Variants in DCC observed in about 807,000 individuals in gnomAD.
DCC encodes the protein netrin receptor DCC.
A neutral mutation model predicts 172.5 loss-of-function variants in DCC; 58 were observed. That is an observed-to-expected ratio of 0.34 (90% CI 0.27 to 0.42). The LOEUF (loss-of-function observed/expected upper bound fraction) is 0.42, where lower values mean the gene tolerates loss of function less well. DCC is among the 10% of genes least tolerant of loss of function. The pLI is 1.00. For synonymous variants in DCC, 709 were observed against 644.5 expected (o/e 1.10, Z -1.52); for missense variants, 1,740 against 1,791.0 (o/e 0.97, Z 0.51).
At chr18:52,897,488 T>C (rs1239501059) in intron 2 of DCC, among the ~76,000 whole-genome samples, 1 of 152,242 alleles carries the variant, frequency 6.6e-6, no homozygotes, top group African/African-American at 2.4e-5. Context: ...CCAATATTTG[T>C]GTATTTTTTT....
chr18:52,616,509 C>G (rs2034384677), intron 1 of DCC, among the ~76,000 whole-genome samples: 1 of 152,086 alleles, frequency 6.6e-6, no homozygotes, highest in Non-Finnish European at 1.5e-5. Context: ...ATTTTTCTTT[C>G]TGTAACCTCA....
intron 16 of DCC, among the ~76,000 whole-genome samples, chr18:53,386,776 G>T (rs1286222781): frequency 2.0e-5 from 3 of 152,150 alleles, no homozygotes; most frequent in Non-Finnish European, 4.4e-5. Flanking sequence ...GAGTGAAAGG[G>T]CTCAAGATAC....
chr18:53,520,030 G>A (rs538545753), intron 27 of DCC, among the ~76,000 whole-genome samples: 1 of 152,176 alleles, frequency 6.6e-6, no homozygotes, highest in East Asian at 1.9e-4. Context: ...TATCAAGAAG[G>A]AGTCACCAAG....
chr18:53,195,299 T>C (rs1000964385), intron 9 of DCC, among the ~76,000 whole-genome samples: 42 of 152,224 alleles, frequency 2.8e-4, no homozygotes, highest in Admixed American at 1.3e-4. Context: ...TAGAGTTCTG[T>C]GAATACTTGT....
Position 53,406,715 on chromosome 18 carries a change from AAG to A in DCC, c.2936-3735_2936-3734del, listed in dbSNP as rs1230594104. Among the ~76,000 whole-genome samples, 43 of 113,126 alleles carry A rather than the reference AAG, an allele frequency of 3.8e-4. 2 individuals carry two copies. The highest frequency in any genetic ancestry group is 8.4e-4 in the Non-Finnish European group (39 of 46,476). The allele number at this position is 113,126 out of a possible 152,430, so 74.2% of individuals were successfully genotyped here. A position where few individuals can be genotyped will look rare whatever the true frequency, so the allele number is the denominator to read the frequency against. ...CAAGACTCTGTCTCAAAAAAAAAAA[AAG>A]AAAGAAAGAAAAAAGAAAAAAAGTA... On this transcript the variant is annotated intron_variant, in intron 19 of 28. Coordinates refer to ENST00000442544, the MANE Select transcript of DCC (RefSeq NM_005215.4).
chr18:52,487,157 A>T (rs1056005287), intron 1 of DCC, among the ~76,000 whole-genome samples: 1 of 152,158 alleles, frequency 6.6e-6, no homozygotes, highest in Non-Finnish European at 1.5e-5. Flanking sequence ...ATACCTGCTT[A>T]TCTCTGGATT....
At chr18:53,161,653 T>C (rs1044294464) in intron 8 of DCC, among the ~76,000 whole-genome samples, 2 of 152,222 alleles carry the variant, frequency 1.3e-5, no homozygotes, top group Admixed American at 1.3e-4. Context: ...ATACCTGTTA[T>C]GCTTCAACCC....
intron 5 of DCC, among the ~76,000 whole-genome samples, chr18:52,943,458 T>C (rs2040494166): frequency 1.3e-5 from 2 of 152,206 alleles, no homozygotes. Flanking sequence ...TGACTGATGT[T>C]TAGTGAACTA....
rs187236417 is a variant in DCC at position 52,357,799 on chromosome 18, G to T, written c.91+16921G>T. Among the ~76,000 whole-genome samples the T allele has an allele frequency of 2.3e-4, 35 of 152,080 alleles. No individual in the cohort carries two copies. In the East Asian group the frequency reaches 5.2e-3, roughly 23 times the overall value. ...AAAATACAAAAAAAATTAGCTGGGC[G>T]TGGTGGCGGGTGCCTGTAGTCCCAG... is the stretch of plus-strand genomic sequence containing the variant. On this transcript the variant is annotated intron_variant, in intron 1 of 28. Coordinates refer to ENST00000442544, the MANE Select transcript of DCC (RefSeq NM_005215.4).
intron 12 of DCC, among the ~76,000 whole-genome samples, chr18:53,254,348 G>T (rs190956093): frequency 6.6e-6 from 1 of 152,082 alleles, no homozygotes; most frequent in East Asian, 1.9e-4. Flanking sequence ...CCTGGGTGGG[G>T]TCTGCCTCTG....
rs886845290 is a variant in DCC, at chr18:53,513,368, G to C, written c.4112-13249G>C. On this transcript the variant is annotated intron_variant, in intron 27 of 28. Transcript: ENST00000442544. ...AGCCGCTGCAAAATTATGCCAAAAT[G>C]TAAAGACCATCAAAGACTAGGAAGA... is the stretch of plus-strand genomic sequence containing the variant. Among the ~76,000 whole-genome samples, 2 of 152,196 alleles carry C rather than the reference G, an allele frequency of 1.3e-5. 1 individual carries two copies. The highest frequency in any genetic ancestry group is 4.1e-4 in the South Asian group (2 of 4,824).
At chr18:52,594,479 A>G (rs548341520) in intron 1 of DCC, among the ~76,000 whole-genome samples, 25 of 152,302 alleles carry the variant, frequency 1.6e-4, no homozygotes, top group African/African-American at 4.8e-4. Context: ...AGGAGACAGG[A>G]ACTGAAACCT....
intron 15 of DCC, among the ~76,000 whole-genome samples, chr18:53,349,967 T>A (rs1360869498): frequency 6.6e-6 from 1 of 152,168 alleles, no homozygotes; most frequent in South Asian, 2.1e-4. Context: ...AAAACTGAAT[T>A]TGGCTTAGGC....
chr18:52,888,450 T>C (rs1014024442), intron 2 of DCC, among the ~76,000 whole-genome samples: 3 of 152,160 alleles, frequency 2.0e-5, no homozygotes, highest in Non-Finnish European at 1.5e-5. Context: ...GTTTGAATCA[T>C]ATTAAAAAAT....
chr18:53,268,584 A>G (rs2056710241), intron 12 of DCC, among the ~76,000 whole-genome samples: 1 of 152,014 alleles, frequency 6.6e-6, no homozygotes, highest in African/African-American at 2.4e-5. Flanking sequence ...TGCTATTCTC[A>G]TTCCCCTTTA....
At chr18:53,498,594 A>G (rs2046056331) in intron 26 of DCC, among the ~76,000 whole-genome samples, 1 of 151,166 alleles carries the variant, frequency 6.6e-6, no homozygotes, top group Non-Finnish European at 1.5e-5. Context: ...TTCCATATAC[A>G]AAGCTTTTCA....
chr18:52,767,178 TTCTGCCTGAAG>T (rs1437308097), intron 2 of DCC, among the ~76,000 whole-genome samples: 1 of 152,054 alleles, frequency 6.6e-6, no homozygotes, highest in Non-Finnish European at 1.5e-5. Context: ...GGATCAATAC[TTCTGCCTGAAG>T]TAAATAGGAT....
intron 12 of DCC, among the ~76,000 whole-genome samples, chr18:53,249,300 A>G (rs756891614): frequency 1.3e-4 from 20 of 151,964 alleles, no homozygotes; most frequent in Non-Finnish European, 1.8e-4. Flanking sequence ...ACAAAAATAA[A>G]TTGCCAATGT....
intron 1 of DCC, among the ~76,000 whole-genome samples, chr18:52,382,102 A>G (rs927431505): frequency 1.1e-4 from 16 of 152,286 alleles, no homozygotes; most frequent in Non-Finnish European, 1.8e-4. Context: ...ATTTTCATCT[A>G]ACATACATTG....
Sources: allele counts gnomAD v4.1 joint callset (sites outside exome capture counted in the v4.1 genomes callset), GRCh38; gene constraint gnomAD v4.1.1; transcripts MANE v1.5; gene names NCBI Gene and HGNC (gene_info 2026-07-23, HGNC 2026-07-21).